Variants in DCC observed in about 807,000 individuals in gnomAD.
DCC encodes the protein DCC netrin 1 receptor.
DCC carries 58 observed loss-of-function variants against 172.5 expected under a neutral mutation model. The ratio of observed to expected loss-of-function variants is 0.34; its 90% CI spans 0.27 to 0.42. The LOEUF (loss-of-function observed/expected upper bound fraction) is 0.42, where lower values mean the gene tolerates loss of function less well. DCC is among the 10% of genes least tolerant of loss of function. The pLI is 1.00. For synonymous variants in DCC, 709 were observed against 644.5 expected (o/e 1.10, Z -1.52); for missense variants, 1,740 against 1,791.0 (o/e 0.97, Z 0.51).
In DCC at chr18:53,109,783, TG is replaced by T. The variant is rs1350540900; in HGVS notation, c.1261+43618del. Among the ~76,000 whole-genome samples, 7 of 151,770 alleles carry T rather than the reference TG, an allele frequency of 4.6e-5. No individual in the cohort carries two copies. The East Asian group carries it at 9.8e-4, about 21-fold the overall frequency. ...ATGCCTTTAAAAACTTATTTTTAAATGTTGTCCTTTTTTTTCCTTCCAGTAG... is the reference window on the plus strand; with the variant it reads ...ATGCCTTTAAAAACTTATTTTTAAATTTGTCCTTTTTTTTCCTTCCAGTAG... On this transcript the variant is annotated intron_variant, in intron 7 of 28. Coordinates refer to ENST00000442544, the MANE Select transcript of DCC (RefSeq NM_005215.4).
intron 5 of DCC, among the ~76,000 whole-genome samples, chr18:53,025,795 TAC>T (rs34351949): frequency 0.04 from 5,611 of 141,480 alleles, 113 homozygotes; most frequent in African/African-American, 0.052. Flanking sequence ...AAAACTATGA[TAC>T]ACACACACAC....
rs759442109 is a variant in DCC at position 53,391,893 on chromosome 18, G to A, written c.2688+6G>A. On this transcript the variant is annotated splice_donor_region_variant and intron_variant, in intron 17 of 28. Transcript: ENST00000442544. ...CTGCAAGTGCAAAATACAAGGTGAA[G>A]TTCTAATTGATAGCATGAAATTTAA... 10 of 1,467,276 alleles carry A rather than the reference G, an allele frequency of 6.8e-6. No homozygotes were observed. In the South Asian group the frequency reaches 1.1e-4, roughly 17 times the overall value. The allele number at this position is 1,467,276 out of a possible 1,614,324, so 90.9% of individuals were successfully genotyped here.
intron 8 of DCC, among the ~76,000 whole-genome samples, chr18:53,168,364 C>T (rs1036318870): frequency 1.3e-5 from 2 of 152,010 alleles, no homozygotes; most frequent in Admixed American, 6.6e-5. Context: ...CACATATACA[C>T]CATGGAAAAC....
At chr18:53,070,190 G>A (rs756199130) in intron 7 of DCC, among the ~76,000 whole-genome samples, 1 of 152,054 alleles carries the variant, frequency 6.6e-6, no homozygotes, top group African/African-American at 2.4e-5. Context: ...AATAGAGACA[G>A]GGTTTCACCA....
intron 1 of DCC, among the ~76,000 whole-genome samples, chr18:52,683,997 C>A (rs1212518499): frequency 6.6e-6 from 1 of 152,042 alleles, no homozygotes; most frequent in Non-Finnish European, 1.5e-5. Context: ...CATATATAAT[C>A]CTTGTCTGTA....
chr18:53,115,674 A>C (rs1244513487), intron 7 of DCC, among the ~76,000 whole-genome samples: 1 of 151,670 alleles, frequency 6.6e-6, no homozygotes, highest in Non-Finnish European at 1.5e-5. Flanking sequence ...TTTGTACATA[A>C]AAGTAAGAGA....
intron 12 of DCC, among the ~76,000 whole-genome samples, chr18:53,263,096 A>G (rs1469349414): frequency 6.6e-6 from 1 of 152,184 alleles, no homozygotes; most frequent in African/African-American, 2.4e-5. Flanking sequence ...ATGTTAAAAA[A>G]TCATCTCTTT....
chr18:52,780,176 T>G (rs908882219), intron 2 of DCC, among the ~76,000 whole-genome samples: 5 of 152,202 alleles, frequency 3.3e-5, no homozygotes, highest in Non-Finnish European at 7.3e-5. Flanking sequence ...CATAGTATTT[T>G]TAGTTGAATT....
At chr18:52,481,285 A>G (rs546915849) in intron 1 of DCC, among the ~76,000 whole-genome samples, 1 of 149,950 alleles carries the variant, frequency 6.7e-6, no homozygotes, top group East Asian at 1.9e-4. Flanking sequence ...ATGTGGCTGC[A>G]AGGCTGTATT....
At chr18:52,728,099 G>A (rs1247023691) in intron 1 of DCC, among the ~76,000 whole-genome samples, 2 of 152,058 alleles carry the variant, frequency 1.3e-5, no homozygotes, top group Non-Finnish European at 2.9e-5. Context: ...GTGTTGGTGT[G>A]TATCCATAAA....
intron 14 of DCC, among the ~76,000 whole-genome samples, chr18:53,338,060 G>A (rs1039195325): frequency 6.6e-6 from 1 of 152,038 alleles, no homozygotes; most frequent in Non-Finnish European, 1.5e-5. Flanking sequence ...AGTTTGGATG[G>A]GCACATTCTT....
intron 1 of DCC, among the ~76,000 whole-genome samples, chr18:52,610,960 C>T (rs2034266212): frequency 6.6e-6 from 1 of 152,132 alleles, no homozygotes; most frequent in African/African-American, 2.4e-5. Context: ...GGCTTTCTTT[C>T]TCATGTTCCT....
chr18:53,448,134 G>A (rs1912748812), intron 22 of DCC, among the ~76,000 whole-genome samples: 1 of 148,914 alleles, frequency 6.7e-6, no homozygotes, highest in African/African-American at 2.5e-5. Flanking sequence ...GGCAAGTACT[G>A]GGTTATTATA....
intron 1 of DCC, among the ~76,000 whole-genome samples, chr18:52,392,013 G>A (rs911141156): frequency 1.3e-5 from 2 of 152,130 alleles, no homozygotes; most frequent in African/African-American, 4.8e-5. Context: ...ACAAATTCTT[G>A]GCATAAATGC....
chr18:52,670,638 A>C (rs2144967986), intron 1 of DCC, among the ~76,000 whole-genome samples: 1 of 152,276 alleles, frequency 6.6e-6, no homozygotes, highest in East Asian at 1.9e-4. Context: ...TCAGGAGTTC[A>C]AGACCAGCCT....
chr18:52,591,212 A>AT (rs1442414953), intron 1 of DCC, among the ~76,000 whole-genome samples: 6 of 152,180 alleles, frequency 3.9e-5, no homozygotes, highest in Admixed American at 3.3e-4. Context: ...GATTTTCATA[A>AT]TTTTTTAAAA....
intron 9 of DCC, among the ~76,000 whole-genome samples, chr18:53,180,557 T>G (rs1820531949): frequency 6.6e-6 from 1 of 152,264 alleles, no homozygotes; most frequent in African/African-American, 2.4e-5. Flanking sequence ...GAGCTGGTCC[T>G]GCTCCCAGGT....
At chr18:53,041,731 T>A (rs919207856) in intron 5 of DCC, among the ~76,000 whole-genome samples, 6 of 152,130 alleles carry the variant, frequency 3.9e-5, no homozygotes, top group African/African-American at 1.2e-4. Context: ...GTCCTTCACA[T>A]CCTTTGTAAG....
At chr18:52,856,491 T>C (rs1598871666) in intron 2 of DCC, among the ~76,000 whole-genome samples, 1 of 151,496 alleles carries the variant, frequency 6.6e-6, no homozygotes, top group South Asian at 2.1e-4. Flanking sequence ...CCGGGCGTGG[T>C]GGCGGGCACC....
Sources: allele counts gnomAD v4.1 joint callset (sites outside exome capture counted in the v4.1 genomes callset), GRCh38; gene constraint gnomAD v4.1.1; transcripts MANE v1.5; gene names NCBI Gene and HGNC (gene_info 2026-07-23, HGNC 2026-07-21).